GALNT9: variants seen among roughly 807,000 people sequenced by gnomAD.
The protein encoded by GALNT9 is GalNAc transferase 9.
A neutral mutation model predicts 63.1 loss-of-function variants in GALNT9; 47 were observed. The observed-to-expected ratio is 0.75, with a 90% confidence interval of 0.59 to 0.95. The LOEUF (loss-of-function observed/expected upper bound fraction) is 0.95. Ranked by LOEUF, GALNT9 falls within the 40% of genes least tolerant of loss-of-function variation. The probability of loss-of-function intolerance (pLI) is 0.00; values close to 1 mark genes in which losing one functional copy is unlikely to be tolerated. For synonymous variants in GALNT9, 396 were observed against 365.7 expected, an observed-to-expected ratio of 1.08 and a Z score of -0.94; for missense variants, 829 against 874.8, an observed-to-expected ratio of 0.95 and a Z score of 0.66.
intron 5 of GALNT9, among the ~76,000 whole-genome samples, chr12:132,248,470 C>T (rs1403654172): frequency 6.6e-6 from 1 of 152,106 alleles, no homozygotes; most frequent in Non-Finnish European, 1.5e-5. Flanking sequence ...GAGATCCTGT[C>T]TCCCCTCTCC....
intron 6 of GALNT9, chr12:132,205,550 A>AC (rs1195063537): frequency 1.3e-5 from 2 of 152,132 alleles, no homozygotes; most frequent in African/African-American, 4.8e-5. Flanking sequence ...CCACAGTCCC[A>AC]CGTCACCCAC....
chr12:132,225,546 A>C (rs1160339583), intron 6 of GALNT9, among the ~76,000 whole-genome samples: 15 of 136,546 alleles, frequency 1.1e-4, no homozygotes, highest in African/African-American at 4.0e-4. Flanking sequence ...CACAACACAC[A>C]CCCCACACTG....
chr12:132,207,782 C>G (rs904948196), intron 6 of GALNT9, among the ~76,000 whole-genome samples: 2 of 152,206 alleles, frequency 1.3e-5, no homozygotes, highest in Non-Finnish European at 2.9e-5. Flanking sequence ...GGGCCCACGG[C>G]TTGCGTGACC....
At chr12:132,285,748 G>C (rs1210087949) in intron 2 of GALNT9, among the ~76,000 whole-genome samples, 2 of 152,140 alleles carry the variant, frequency 1.3e-5, no homozygotes, top group African/African-American at 2.4e-5. Flanking sequence ...CCCAGATGCA[G>C]CTATGGCAGG....
chr12:132,215,840 C>A (rs1261244755), intron 6 of GALNT9, among the ~76,000 whole-genome samples: 1 of 152,018 alleles, frequency 6.6e-6, no homozygotes, highest in African/African-American at 2.4e-5. Context: ...GCTGGCCCTC[C>A]CTGACTCACA....
At chr12:132,237,819 G>A (rs2136895598) in intron 6 of GALNT9, among the ~76,000 whole-genome samples, 1 of 152,328 alleles carries the variant, frequency 6.6e-6, no homozygotes, top group Middle Eastern at 3.4e-3. Flanking sequence ...TGACCCGAGC[G>A]GACAGGCATC....
At chr12:132,287,297 C>A (rs1880638945) in intron 1 of GALNT9, among the ~76,000 whole-genome samples, 1 of 152,210 alleles carries the variant, frequency 6.6e-6, no homozygotes, top group Admixed American at 6.5e-5. Flanking sequence ...CAGTCTCTAT[C>A]AACCCGAAAC....
chr12:132,291,451 TCACCCACATCCACAG>T (rs1229917745), intron 1 of GALNT9, among the ~76,000 whole-genome samples: 4 of 13,588 alleles, frequency 2.9e-4, no homozygotes, highest in South Asian at 2.5e-3. Flanking sequence ...CACGTCCACA[TCACCCACATCCACAG>T]CACCCACGTC....
At chr12:132,323,475 G>A (rs1390512247) in intron 1 of GALNT9, among the ~76,000 whole-genome samples, 5 of 152,238 alleles carry the variant, frequency 3.3e-5, no homozygotes, top group African/African-American at 7.2e-5. Context: ...CCACCCTCCG[G>A]GTTAAGGGAA....
Position 132,208,245 on chromosome 12 carries a change from G to T in GALNT9, c.1078-4555C>A, listed in dbSNP as rs373023471. The stretch of plus-strand genomic sequence containing the variant: ...CAAAATCCTCCCACAGGAGCCAGAG[G>T]CACTTGGCCCCCCTCTCAGGGGCTC... On this transcript the variant is annotated intron_variant, in intron 6 of 10. Transcript: ENST00000328957. Among the ~76,000 whole-genome samples, 18 of 121,344 alleles carry T rather than the reference G, an allele frequency of 1.5e-4. No individual in the cohort carries two copies. In the East Asian group the frequency reaches 2.5e-3, roughly 17 times the overall value. The allele number at this position is 121,344 out of a possible 152,430, so 79.6% of individuals were successfully genotyped here. A position where few individuals can be genotyped will look rare whatever the true frequency, so the allele number is the denominator to read the frequency against.
At chr12:132,207,491 C>A (rs1876766928) in intron 6 of GALNT9, among the ~76,000 whole-genome samples, 1 of 152,210 alleles carries the variant, frequency 6.6e-6, no homozygotes, top group South Asian at 2.1e-4. Flanking sequence ...AAGCCAGCTC[C>A]ACAGGTGCCA....
chr12:132,244,833 C>T (rs937903468), intron 6 of GALNT9, among the ~76,000 whole-genome samples: 18 of 147,946 alleles, frequency 1.2e-4, no homozygotes, highest in Non-Finnish European at 1.6e-4. Context: ...TGGACGGGGG[C>T]GTGGTGATGG....
At position 132,323,313 on chromosome 12, in the gene GALNT9, C is replaced by T. The variant is rs191286083; in HGVS notation, c.238+5653G>A. Among the ~76,000 whole-genome samples the T allele has an allele frequency of 3.6e-3, 552 of 152,358 alleles. 1 individual carries two copies. The highest frequency in any genetic ancestry group is 6.8e-3 in the Middle Eastern group (2 of 294). Reference sequence around the variant, plus strand: ...GCTGGGGATCACCGCCTGCCTGGGTCGTTCCTAGAAGCTCGGGCTGCTGCG... The same window carrying T: ...GCTGGGGATCACCGCCTGCCTGGGTTGTTCCTAGAAGCTCGGGCTGCTGCG... On this transcript the variant is annotated intron_variant, in intron 1 of 10. Transcript: ENST00000328957.
rs2135496843 is a variant in GALNT9, at chr12:132,199,185, T to G, written c.1486A>C (p.Met496Leu). 2 of 1,599,016 alleles carry G rather than the reference T, an allele frequency of 1.3e-6. No homozygotes were observed. Among genetic ancestry groups the G allele is most frequent in the East Asian group, 2.2e-5 (1 of 44,776 alleles). ...DRAILYPCHG[M>L]SSQLVRYSAD... ...GCTGCTACTCCTACCTGGGAGGACA[T>G]CCCGTGGCAGGGGTAGAGGATCGCC... Residue 496 changes from methionine to leucine, a missense_variant, in exon 9 of 11, where the codon ATG (methionine) becomes CTG (leucine). By Grantham distance (15) the Met-to-Leu change is conservative (BLOSUM62 2). Transcript: ENST00000328957.
chr12:132,225,413 C>A (rs1877631854), intron 6 of GALNT9, among the ~76,000 whole-genome samples: 1 of 146,130 alleles, frequency 6.8e-6, no homozygotes, highest in Non-Finnish European at 1.5e-5. Flanking sequence ...ACCACACAAC[C>A]CACACACTAT....
At chr12:132,261,390 G>A (rs1317819324) in intron 3 of GALNT9, among the ~76,000 whole-genome samples, 9 of 142,290 alleles carry the variant, frequency 6.3e-5, no homozygotes, top group African/African-American at 2.8e-4. Flanking sequence ...AGCAGCCCAT[G>A]CTGTGGAGAC....
intron 2 of GALNT9, chr12:132,284,107 GCA>G (rs1459904098): frequency 2.2e-5 from 3 of 137,030 alleles, no homozygotes; most frequent in Non-Finnish European, 3.2e-5. Flanking sequence ...ATGTACACAC[GCA>G]CACATATGCA....
rs782479929 is a variant in GALNT9, at chr12:132,252,555, C to G, written c.960-4528G>C. Among the ~76,000 whole-genome samples, 3 of 152,132 alleles carry G rather than the reference C, an allele frequency of 2.0e-5. No individual in the cohort carries two copies. The highest frequency in any genetic ancestry group is 6.5e-5 in the Admixed American group (1 of 15,270). ...AGACAAAGAGATAAAGAGAAAACAG[C>G]TGGGCCTGGGGGGAACCACTGCCAT... On this transcript the variant is annotated intron_variant, in intron 5 of 10. Coordinates refer to ENST00000328957, the MANE Select transcript of GALNT9 (RefSeq NM_001122636.2). The surrounding 1 kb of genome is among the most constrained non-coding windows in gnomAD (Gnocchi z 5.2).
rs748933691 is a variant in GALNT9 at position 132,203,492 on chromosome 12, G to C, written c.1263+13C>G. The C allele has an allele frequency of 6.2e-7, 1 of 1,613,028 alleles. No homozygotes were observed. The highest frequency in any genetic ancestry group is 8.5e-7 in the Non-Finnish European group (1 of 1,179,376). On this transcript the variant is annotated intron_variant, in intron 7 of 10. Coordinates refer to ENST00000328957, the MANE Select transcript of GALNT9 (RefSeq NM_001122636.2). ...GGGGCATGGCCCCGGCTCCCGGCCT[G>C]TGGGGGACTCACCGACATGGGGATG...
Sources: allele counts gnomAD v4.1 joint callset (sites outside exome capture counted in the v4.1 genomes callset), GRCh38; gene constraint gnomAD v4.1.1; non-coding constraint Gnocchi (gnomAD v3.1); transcripts MANE v1.5; gene names NCBI Gene and HGNC (gene_info 2026-07-23, HGNC 2026-07-21).